PROS1: variants seen among roughly 807,000 people sequenced by gnomAD.
PROS1 encodes protein S.
In PROS1, 29 loss-of-function variants were observed where a neutral mutation model predicts 75.9. The ratio of observed to expected loss-of-function variants is 0.38; its 90% CI spans 0.28 to 0.52. The LOEUF (loss-of-function observed/expected upper bound fraction) is 0.52, where lower values mean the gene tolerates loss of function less well. PROS1 is among the 20% of genes least tolerant of loss of function. The pLI is 0.83. For missense variants in PROS1, 680 were observed against 810.3 expected (o/e 0.84, Z 1.95); for synonymous variants, 245 against 280.6 (o/e 0.87, Z 1.27).
At chr3:93,945,198 C>T (rs978866682) in intron 1 of PROS1, among the ~76,000 whole-genome samples, 15 of 152,128 alleles carry the variant, frequency 9.9e-5, no homozygotes, top group Admixed American at 2.0e-4. Context: ...CAGGACCAGA[C>T]GGATTCACAG....
intron 12 of PROS1, among the ~76,000 whole-genome samples, chr3:93,879,696 A>G (rs1056360010): frequency 6.6e-6 from 1 of 152,180 alleles, no homozygotes; most frequent in African/African-American, 2.4e-5. Context: ...TACTGTAATA[A>G]TTTAGGGAAA....
At chr3:93,899,569 G>T (rs563868189) in intron 7 of PROS1, among the ~76,000 whole-genome samples, 1 of 152,166 alleles carries the variant, frequency 6.6e-6, no homozygotes, top group South Asian at 2.1e-4. Flanking sequence ...AGTTTTCCAC[G>T]GTAATTTCTA....
rs905186408 is a variant in PROS1 at position 93,973,802 on chromosome 3, C to T, written c.-53G>A. On this transcript the variant is annotated 5_prime_UTR_variant, in exon 1 of 15. Coordinates refer to ENST00000394236, the MANE Select transcript of PROS1 (RefSeq NM_000313.4). ...GACGGTGGCGCGTCGCGGCGGGGAC[C>T]GGAGCGCTAGGCGCCGCGGAGCTGC... 2.0e-5 allele frequency: 31 copies of T among 1,516,158 alleles called. No individual in the cohort carries two copies. The highest frequency in any genetic ancestry group is 2.7e-5 in the Non-Finnish European group (30 of 1,111,860). 93.9% of individuals were successfully genotyped at this position (1,516,158 alleles called of 1,614,324 possible). A position where few individuals can be genotyped will look rare whatever the true frequency, so the allele number is the denominator to read the frequency against.
At chr3:93,931,012 T>C (rs1709097485) in intron 1 of PROS1, among the ~76,000 whole-genome samples, 1 of 152,222 alleles carries the variant, frequency 6.6e-6, no homozygotes, top group Non-Finnish European at 1.5e-5. Flanking sequence ...TTTGTCTAAA[T>C]ATATTTGCAC....
At chr3:93,886,247 T>G (rs1708344604) in intron 11 of PROS1, 89 bp downstream of exon 11, 1 of 1,244,812 alleles carries the variant, frequency 8.0e-7, no homozygotes, top group Non-Finnish European at 1.2e-6. Flanking sequence ...CAAAACAACT[T>G]CTATTGATTC....
At chr3:93,903,571 G>A (rs985011701) in intron 6 of PROS1, among the ~76,000 whole-genome samples, 14 of 152,142 alleles carry the variant, frequency 9.2e-5, no homozygotes, top group Non-Finnish European at 1.9e-4. Flanking sequence ...TTGGGAGGCT[G>A]AGGTGGGAGG....
At chr3:93,971,888 A>T (rs1709887752) in intron 1 of PROS1, among the ~76,000 whole-genome samples, 1 of 152,184 alleles carries the variant, frequency 6.6e-6, no homozygotes, top group African/African-American at 2.4e-5. Context: ...TCATAAGTAA[A>T]CCACAGATGA....
intron 3 of PROS1, among the ~76,000 whole-genome samples, chr3:93,914,743 A>G (rs1424464218): frequency 2.6e-5 from 4 of 152,184 alleles, no homozygotes; most frequent in Non-Finnish European, 4.4e-5. Context: ...GTTCTTTAAT[A>G]GTGATTCCTG....
chr3:93,898,357 G>A, intron 8 of PROS1, 91 bp downstream of exon 8: 2 of 1,440,438 alleles, frequency 1.4e-6, no homozygotes, highest in Non-Finnish European at 1.9e-6. Flanking sequence ...CAGAACGTCT[G>A]TATTTTCCTG....
rs146097191 is a variant in PROS1 at position 93,888,667 on chromosome 3, T to C, written c.1156-2164A>G. On this transcript the variant is annotated intron_variant, in intron 10 of 14. Transcript: ENST00000394236. ...CTTAACTTCAAAAATATATCCAGAA[T>C]CTGACCACTTCTTACCACTCTTACC... 3.6e-3 allele frequency among the ~76,000 whole-genome samples: 543 copies of C among 152,294 alleles called. 5 individuals carry two copies. Among genetic ancestry groups the C allele is most frequent in the African/African-American group, 0.012 (505 of 41,558 alleles).
At chr3:93,881,650 A>G (rs983620816) in intron 12 of PROS1, among the ~76,000 whole-genome samples, 35 of 145,072 alleles carry the variant, frequency 2.4e-4, no homozygotes, top group Admixed American at 1.9e-3. Context: ...GTGTCAACAT[A>G]TTGGGCTCAA....
At position 93,905,933 on chromosome 3, in the gene PROS1, T is replaced by A. The variant is rs750946076; in HGVS notation, c.470-18A>T. On this transcript the variant is annotated intron_variant, in intron 5 of 14. Transcript: ENST00000394236. Reference sequence around the variant, plus strand: ...ATTTATGTCTAAAACAGGAAAAAAATAAATTATTTTTAAAGTAATATAACC... The same window carrying A: ...ATTTATGTCTAAAACAGGAAAAAAAAAAATTATTTTTAAAGTAATATAACC... 5.0e-6 allele frequency: 8 copies of A among 1,612,008 alleles called. No homozygotes were observed. The highest frequency in any genetic ancestry group is 6.8e-6 in the Non-Finnish European group (8 of 1,179,030).
At chr3:93,881,004 C>G (rs534074870) in intron 12 of PROS1, among the ~76,000 whole-genome samples, 1 of 152,098 alleles carries the variant, frequency 6.6e-6, no homozygotes, top group African/African-American at 2.4e-5. Context: ...AAAGGGAAAT[C>G]ATTTTTGTAA....
Position 93,873,706 on chromosome 3 carries a change from A to AAAG in PROS1, c.*536_*538dup, listed in dbSNP as rs1276644079. Reference sequence around the variant, plus strand: ...GTTTAAATGTGAAGCCACACAAGAGAAAGATGAAGCCAAAGCTGTTCCCCC... The same window carrying AAAG: ...GTTTAAATGTGAAGCCACACAAGAGAAAGAAGATGAAGCCAAAGCTGTTCCCCC... On this transcript the variant is annotated 3_prime_UTR_variant, in exon 15 of 15. Coordinates refer to ENST00000394236, the MANE Select transcript of PROS1 (RefSeq NM_000313.4). The AAAG allele has an allele frequency of 6.5e-6, 1 of 154,608 alleles. No individual in the cohort carries two copies. Among genetic ancestry groups the AAAG allele is most frequent in the East Asian group, 1.9e-4 (1 of 5,276 alleles). The allele number at this position is 154,608 out of a possible 1,614,324, so 9.6% of individuals were successfully genotyped here. A position where few individuals can be genotyped will look rare whatever the true frequency, so the allele number is the denominator to read the frequency against.
intron 1 of PROS1, among the ~76,000 whole-genome samples, chr3:93,942,623 C>T (rs1382158984): frequency 1.3e-5 from 2 of 152,222 alleles, no homozygotes; most frequent in East Asian, 3.8e-4. Context: ...TCAATCTCTT[C>T]CCACACAAGG....
intron 6 of PROS1, among the ~76,000 whole-genome samples, chr3:93,902,137 AAAAAGG>A (rs1375491322): frequency 6.6e-6 from 1 of 151,942 alleles, no homozygotes; most frequent in Non-Finnish European, 1.5e-5. Context: ...ATTAAAAACA[AAAAAGG>A]AAAAGAGAAA....
chr3:93,922,874 T>A (rs1708962395), intron 3 of PROS1, among the ~76,000 whole-genome samples: 1 of 152,198 alleles, frequency 6.6e-6, no homozygotes, highest in African/African-American at 2.4e-5. Context: ...TAATAAAAAG[T>A]ATATTTTTGT....
intron 10 of PROS1, among the ~76,000 whole-genome samples, chr3:93,887,832 A>G (rs1475032953): frequency 1.3e-5 from 2 of 152,172 alleles, no homozygotes; most frequent in Non-Finnish European, 1.5e-5. Flanking sequence ...GTGAGACACT[A>G]TGACTCCACT....
chr3:93,910,495 G>T, intron 4 of PROS1, 124 bp downstream of exon 4: 4 of 786,868 alleles, frequency 5.1e-6, no homozygotes, highest in Non-Finnish European at 8.8e-6. Flanking sequence ...ATACTTCCTT[G>T]CTGGGCATAC....
Sources: gnomAD v4.1 joint callset for allele counts (sites outside exome capture counted in the v4.1 genomes callset) on GRCh38, gnomAD v4.1.1 for gene constraint, MANE v1.5 for transcripts, NCBI Gene and HGNC (gene_info 2026-07-23, HGNC 2026-07-21) for gene names.